RAD51B: variants seen among roughly 807,000 people sequenced by gnomAD.
RAD51B encodes the protein DNA repair protein RAD51 homolog 2.
In RAD51B, 38 loss-of-function variants were observed where a neutral mutation model predicts 42.2. The observed-to-expected ratio is 0.90, with a 90% confidence interval of 0.70 to 1.18. The LOEUF is 1.18. RAD51B is among the 50% of genes most tolerant of loss of function. The pLI is 0.00. For missense variants in RAD51B, 373 were observed against 400.7 expected (o/e 0.93, Z 0.59); for synonymous variants, 154 against 145.2 (o/e 1.06, Z -0.43).
In RAD51B at chr14:68,477,727, A is replaced by G. The variant is rs1196911450; in HGVS notation, c.*63A>G. The stretch of plus-strand genomic sequence containing the variant: ...GATTTGTGAAATAAAACAGGACCGT[A>G]CTGCTTGGAAGAAGGAAACGGAAGC... On this transcript the variant is annotated 3_prime_UTR_variant, in exon 11 of 11. Transcript: ENST00000471583. The G allele has an allele frequency of 7.6e-6, 12 of 1,588,260 alleles. No homozygotes were observed. The highest frequency in any genetic ancestry group is 9.4e-6 in the Non-Finnish European group (11 of 1,173,384).
chr14:67,855,607 A>G (rs938731973), intron 4 of RAD51B, among the ~76,000 whole-genome samples: 3 of 152,224 alleles, frequency 2.0e-5, no homozygotes, highest in Admixed American at 6.5e-5. Context: ...ATAATAAGGC[A>G]GGGGTTGTAA....
intron 7 of RAD51B, among the ~76,000 whole-genome samples, chr14:68,260,950 A>G (rs1321482294): frequency 6.6e-6 from 1 of 152,270 alleles, no homozygotes; most frequent in Non-Finnish European, 1.5e-5. Context: ...ACAATTGTTA[A>G]TCTTCCATTA....
At chr14:68,136,194 T>C (rs2078005749) in intron 7 of RAD51B, among the ~76,000 whole-genome samples, 1 of 152,172 alleles carries the variant, frequency 6.6e-6, no homozygotes, top group Non-Finnish European at 1.5e-5. Context: ...ACGTCTGAAT[T>C]GAAAATTTAA....
chr14:68,544,583 T>C (rs1888127227), intron 10 of RAD51B, among the ~76,000 whole-genome samples: 1 of 152,078 alleles, frequency 6.6e-6, no homozygotes, highest in African/African-American at 2.4e-5. Context: ...AAATCTGAAA[T>C]GGCCCCTAAA....
At chr14:67,877,847 T>G (rs1408384227) in intron 5 of RAD51B, among the ~76,000 whole-genome samples, 1 of 152,118 alleles carries the variant, frequency 6.6e-6, no homozygotes, top group Admixed American at 6.6e-5. Context: ...AATTTTTTTG[T>G]AGAGCTGGGG....
intron 9 of RAD51B, among the ~76,000 whole-genome samples, chr14:68,416,395 C>T (rs1010971390): frequency 6.6e-6 from 1 of 152,124 alleles, no homozygotes; most frequent in African/African-American, 2.4e-5. Context: ...TTATGAGCCC[C>T]TTGAGGTCTA....
intron 10 of RAD51B, among the ~76,000 whole-genome samples, chr14:68,525,337 C>T (rs141127053): frequency 2.1e-3 from 326 of 152,344 alleles, no homozygotes; most frequent in African/African-American, 7.5e-3. Context: ...CTTTTGGCCT[C>T]CAGAATTATA....
intron 7 of RAD51B, among the ~76,000 whole-genome samples, chr14:68,161,211 A>G (rs2078632024): frequency 6.6e-6 from 1 of 152,166 alleles, no homozygotes. Context: ...ACAATTGAAA[A>G]ATCTAAGGAG....
chr14:68,510,387 C>CG (rs1471138949), intron 10 of RAD51B, among the ~76,000 whole-genome samples: 7 of 152,022 alleles, frequency 4.6e-5, no homozygotes, highest in Non-Finnish European at 1.0e-4. Context: ...AGGCTGGGGG[C>CG]GGGGGAGTGG....
intron 7 of RAD51B, among the ~76,000 whole-genome samples, chr14:68,194,393 G>T (rs985765537): frequency 1.2e-4 from 19 of 152,152 alleles, no homozygotes; most frequent in African/African-American, 4.1e-4. Flanking sequence ...AGTAATAGTA[G>T]AAGACATGGT....
intron 8 of RAD51B, among the ~76,000 whole-genome samples, chr14:68,314,235 T>C (rs1187944858): frequency 6.6e-6 from 1 of 152,130 alleles, no homozygotes; most frequent in Non-Finnish European, 1.5e-5. Context: ...ACACTTCCAC[T>C]GCCCAGTTCA....
At chr14:68,126,966 T>C (rs1056762202) in intron 7 of RAD51B, among the ~76,000 whole-genome samples, 1 of 152,208 alleles carries the variant, frequency 6.6e-6, no homozygotes, top group Non-Finnish European at 1.5e-5. Context: ...TCTGCTGGTA[T>C]ACATAGAACC....
At chr14:68,447,595 T>C (rs1445564437) in intron 9 of RAD51B, among the ~76,000 whole-genome samples, 1 of 152,096 alleles carries the variant, frequency 6.6e-6, no homozygotes, top group East Asian at 1.9e-4. Context: ...CTAAAAAGCA[T>C]TAAACTTACA....
In RAD51B at chr14:68,141,255, G is replaced by A. The variant is rs567521746; in HGVS notation, c.757-150629G>A. Among the ~76,000 whole-genome samples, 9 of 152,224 alleles carry A rather than the reference G, an allele frequency of 5.9e-5. No individual in the cohort carries two copies. In the South Asian group the frequency reaches 1.9e-3, roughly 32 times the overall value. ...GATAAGATGTTATGAGTTTATTAGT[G>A]TTAGTTTTAAATGAATTAAATAAAT... On this transcript the variant is annotated intron_variant, in intron 7 of 10. Transcript: ENST00000471583.
chr14:68,477,720 G>C lies in RAD51B; in HGVS notation c.*56G>C, dbSNP rs996381063. On this transcript the variant is annotated 3_prime_UTR_variant, in exon 11 of 11. Coordinates refer to ENST00000471583, the MANE Select transcript of RAD51B (RefSeq NM_133510.4). ...GGGGTGTGATTTGTGAAATAAAACA[G>C]GACCGTACTGCTTGGAAGAAGGAAA... is the stretch of plus-strand genomic sequence containing the variant. 5.5e-5 allele frequency: 88 copies of C among 1,597,772 alleles called. No homozygotes were observed. The highest frequency in any genetic ancestry group is 7.3e-5 in the Non-Finnish European group (86 of 1,175,648).
At chr14:68,648,885 G>A (rs1275209500) in intron 10 of RAD51B, among the ~76,000 whole-genome samples, 1 of 151,854 alleles carries the variant, frequency 6.6e-6, no homozygotes, top group Non-Finnish European at 1.5e-5. Flanking sequence ...ATCAGGTTAT[G>A]GGAGAAACAG....
chr14:68,191,991 A>T (rs1254633948), intron 7 of RAD51B, among the ~76,000 whole-genome samples: 1 of 152,176 alleles, frequency 6.6e-6, no homozygotes, highest in Non-Finnish European at 1.5e-5. Context: ...CCTTTATACC[A>T]TCCAATCACA....
At chr14:68,614,584 G>C (rs980782451), downstream of RAD51B, among the ~76,000 whole-genome samples, 7 of 152,188 alleles carry the variant, frequency 4.6e-5, no homozygotes, top group Non-Finnish European at 8.8e-5. Context: ...GCTTATTCTG[G>C]ACATTTCATA....
intron 11 of RAD51B, among the ~76,000 whole-genome samples, chr14:68,679,739 T>C (rs1893387065): frequency 6.6e-6 from 1 of 152,262 alleles, no homozygotes; most frequent in African/African-American, 2.4e-5. Context: ...CTGTAAAATC[T>C]GTGTTGCTCT....
Sources: allele counts gnomAD v4.1 joint callset (sites outside exome capture counted in the v4.1 genomes callset), GRCh38; gene constraint gnomAD v4.1.1; transcripts MANE v1.5; gene names NCBI Gene and HGNC (gene_info 2026-07-23, HGNC 2026-07-21).